Variants in CDC42BPA observed in about 807,000 individuals in gnomAD.
The protein encoded by CDC42BPA is CDC42 binding protein kinase alpha, also known as serine/threonine-protein kinase MRCK alpha.
Under a neutral mutation model 223.5 loss-of-function variants are expected in CDC42BPA, and 80 were observed. That is an observed-to-expected ratio of 0.36 (90% CI 0.30 to 0.43). The LOEUF (loss-of-function observed/expected upper bound fraction) is 0.43. Among genes scored for constraint, CDC42BPA ranks in the 20% least tolerant of loss-of-function variants. CDC42BPA has a pLI of 1.00. For synonymous variants in CDC42BPA, 694 were observed against 718.6 expected (o/e 0.97, Z 0.55); for missense variants, 1,743 against 2,099.9 (o/e 0.83, Z 3.32).
At chr1:227,313,696 A>G (rs561624186) in intron 1 of CDC42BPA, among the ~76,000 whole-genome samples, 4 of 152,172 alleles carry the variant, frequency 2.6e-5, no homozygotes, top group Non-Finnish European at 5.9e-5. Context: ...TGTGAAGAAC[A>G]AAAGTGTCCT....
chr1:227,168,495 G>GTGTTTTTTTTTTTTTGTTTTT lies in CDC42BPA; in HGVS notation c.600-7860_600-7859insAAAAACAAAAAAAAAAAAACA, dbSNP rs1665461120. Among the ~76,000 whole-genome samples, 2 of 15,754 alleles carry GTGTTTTTTTTTTTTTGTTTTT rather than the reference G, an allele frequency of 1.3e-4. 1 individual carries two copies. Among genetic ancestry groups the GTGTTTTTTTTTTTTTGTTTTT allele is most frequent in the African/African-American group, 6.9e-4 (2 of 2,916 alleles). The allele number at this position is 15,754 out of a possible 152,430, so 10.3% of individuals were successfully genotyped here. A position where few individuals can be genotyped will look rare whatever the true frequency, so the allele number is the denominator to read the frequency against. On this transcript the variant is annotated intron_variant, in intron 5 of 36. Coordinates refer to ENST00000366766, the MANE Select transcript of CDC42BPA (RefSeq NM_001394014.1). ...GCCTTTTTCATATTTATCTTCCCTG[G>GTGTTTTTTTTTTTTTGTTTTT]TGTTTTTTTTTTTTTTTTGAGGCAG...
At chr1:227,159,218 G>A (rs778847428) in intron 6 of CDC42BPA, among the ~76,000 whole-genome samples, 38 of 152,160 alleles carry the variant, frequency 2.5e-4, no homozygotes, top group Non-Finnish European at 4.6e-4. Flanking sequence ...CGGGCACGGT[G>A]GCTCACGCCT....
chr1:227,108,467 C>A (rs947485341), intron 14 of CDC42BPA, among the ~76,000 whole-genome samples: 2 of 151,834 alleles, frequency 1.3e-5, no homozygotes, highest in African/African-American at 4.8e-5. Flanking sequence ...GGAGATGATA[C>A]CTCATACGAC....
At chr1:227,190,222 TAA>T in intron 5 of CDC42BPA, among the ~76,000 whole-genome samples, 1 of 152,286 alleles carries the variant, frequency 6.6e-6, no homozygotes. Flanking sequence ...GCCCCTCCAT[TAA>T]AGTCTTCTAT....
At chr1:227,186,365 G>A (rs916787258) in intron 5 of CDC42BPA, among the ~76,000 whole-genome samples, 5 of 152,202 alleles carry the variant, frequency 3.3e-5, no homozygotes, top group Admixed American at 3.3e-4. Flanking sequence ...GCCCTCAGGA[G>A]AAACTATTTT....
chr1:227,262,638 A>G (rs1044715551), intron 1 of CDC42BPA, among the ~76,000 whole-genome samples: 39 of 152,316 alleles, frequency 2.6e-4, no homozygotes, highest in Middle Eastern at 6.8e-3. Flanking sequence ...AATCACAGAA[A>G]ATATCACTGG....
chr1:227,250,626 G>T (rs1558869782), intron 2 of CDC42BPA, among the ~76,000 whole-genome samples: 1 of 151,398 alleles, frequency 6.6e-6, no homozygotes, highest in African/African-American at 2.4e-5. Context: ...AAACTGAAGT[G>T]TGTGTGTGTG....
intron 34 of CDC42BPA, among the ~76,000 whole-genome samples, chr1:227,008,599 A>G (rs1664565935): frequency 1.3e-5 from 2 of 152,338 alleles, no homozygotes; most frequent in South Asian, 4.1e-4. Flanking sequence ...TGCAGCACTG[A>G]GCTTTCCTAC....
chr1:226,999,456 C>T (rs1225813595), intron 35 of CDC42BPA, among the ~76,000 whole-genome samples: 3 of 152,076 alleles, frequency 2.0e-5, no homozygotes, highest in African/African-American at 4.8e-5. Flanking sequence ...GATTATAGGC[C>T]TGAGCCACCG....
intron 20 of CDC42BPA, 114 bp downstream of exon 20, chr1:227,072,094 G>T: frequency 1.7e-6 from 1 of 603,440 alleles, no homozygotes; most frequent in Non-Finnish European, 2.9e-6. Context: ...ATGAGTGCCA[G>T]AATTGCTTAT....
chr1:227,094,155 T>C (rs1182482107), intron 15 of CDC42BPA, among the ~76,000 whole-genome samples: 1 of 152,210 alleles, frequency 6.6e-6, no homozygotes, highest in Non-Finnish European at 1.5e-5. Context: ...ATGGGCAGCA[T>C]ACAGAAATGA....
rs556222248 is a variant in CDC42BPA at position 227,196,541 on chromosome 1, G to A, written c.451-2607C>T. On this transcript the variant is annotated intron_variant, in intron 4 of 36. Transcript: ENST00000366766. Reference sequence around the variant, plus strand: ...TTTTTAGTAGAGACCGGGTTTCACCGTGTTAGCCAGGATGGTCTCGATCTC... The same window carrying A: ...TTTTTAGTAGAGACCGGGTTTCACCATGTTAGCCAGGATGGTCTCGATCTC... Among the ~76,000 whole-genome samples, 11 of 151,732 alleles carry A rather than the reference G, an allele frequency of 7.2e-5. No individual in the cohort carries two copies. In the South Asian group the frequency reaches 1.3e-3, roughly 17 times the overall value.
At chr1:227,132,539 TGC>T (rs1293345145) in intron 10 of CDC42BPA, among the ~76,000 whole-genome samples, 1 of 138,710 alleles carries the variant, frequency 7.2e-6, no homozygotes, top group African/African-American at 2.8e-5. Flanking sequence ...TTGCAGCCTC[TGC>T]CTGGCTGCCA....
chr1:227,298,088 T>C (rs1219215157), intron 1 of CDC42BPA, among the ~76,000 whole-genome samples: 2 of 70,122 alleles, frequency 2.9e-5, no homozygotes, highest in Admixed American at 1.6e-4. Flanking sequence ...ATATACAATG[T>C]TTTTTTTTAT....
intron 6 of CDC42BPA, among the ~76,000 whole-genome samples, chr1:227,156,993 T>C (rs1662940140): frequency 6.6e-6 from 1 of 152,222 alleles, no homozygotes; most frequent in Non-Finnish European, 1.5e-5. Flanking sequence ...TCTCACTTTA[T>C]ATTTCCTATA....
chr1:227,089,291 G>T (rs1217658933), intron 16 of CDC42BPA, among the ~76,000 whole-genome samples: 1 of 152,122 alleles, frequency 6.6e-6, no homozygotes. Flanking sequence ...GTCATCCTTG[G>T]GGAAACTACC....
chr1:227,100,747 AGTGTGTGTGT>A (rs57210205), intron 15 of CDC42BPA, among the ~76,000 whole-genome samples: 3 of 137,326 alleles, frequency 2.2e-5, no homozygotes, highest in Non-Finnish European at 3.1e-5. Context: ...ATACCCAGCT[AGTGTGTGTGT>A]GTGTGTGTGT....
At chr1:227,070,248 T>C (rs1558425850) in intron 20 of CDC42BPA, among the ~76,000 whole-genome samples, 1 of 151,826 alleles carries the variant, frequency 6.6e-6, no homozygotes, top group African/African-American at 2.4e-5. Flanking sequence ...AAGCACAGAG[T>C]ATGCACTAAT....
intron 1 of CDC42BPA, among the ~76,000 whole-genome samples, chr1:227,304,429 A>T (rs1692211019): frequency 6.6e-6 from 1 of 151,978 alleles, no homozygotes. Context: ...AAAAAGAAAA[A>T]CACAAAAACC....
Sources: gnomAD v4.1 joint callset for allele counts (sites outside exome capture counted in the v4.1 genomes callset) on GRCh38, gnomAD v4.1.1 for gene constraint, MANE v1.5 for transcripts, NCBI Gene and HGNC (gene_info 2026-07-23, HGNC 2026-07-21) for gene names.